NID1: variants seen among roughly 807,000 people sequenced by gnomAD.
NID1 encodes nidogen 1.
NID1 carries 76 observed loss-of-function variants against 130.6 expected under a neutral mutation model. That is an observed-to-expected ratio of 0.58 (90% confidence interval 0.48 to 0.70). The LOEUF (loss-of-function observed/expected upper bound fraction) is 0.70, where lower values mean the gene tolerates loss of function less well. Ranked by LOEUF, NID1 falls within the 30% of genes least tolerant of loss-of-function variation. The probability of loss-of-function intolerance (pLI) is 0.00; values close to 1 mark genes in which losing one functional copy is unlikely to be tolerated. For missense variants in NID1, 1,517 were observed against 1,664.8 expected (o/e 0.91, Z 1.54); for synonymous variants, 665 against 675.1 (o/e 0.98, Z 0.23).
chr1:236,025,649 C>CACCTT (rs1307622739), intron 8 of NID1, among the ~76,000 whole-genome samples: 1 of 152,218 alleles, frequency 6.6e-6, no homozygotes, highest in East Asian at 1.9e-4. Context: ...CTCTGTAAGG[C>CACCTT]ACCTCAACAG....
At chr1:236,041,840 C>T in intron 4 of NID1, 70 bp downstream of exon 4, 1 of 1,525,746 alleles carries the variant, frequency 6.6e-7, no homozygotes, top group South Asian at 1.3e-5. Context: ...CTGACATCTC[C>T]CCAGCAGTAC....
intron 7 of NID1, 136 bp from the exon 8 acceptor site, chr1:236,026,277 G>A (rs1658929047): frequency 9.5e-7 from 1 of 1,057,020 alleles, no homozygotes. Flanking sequence ...TGACAGACCA[G>A]ACAGAACAGC....
At chr1:236,037,624 C>T (rs1005174161) in intron 5 of NID1, among the ~76,000 whole-genome samples, 4 of 151,474 alleles carry the variant, frequency 2.6e-5, no homozygotes, top group Admixed American at 2.0e-4. Context: ...CACCACTGCA[C>T]TCTAGCCTGG....
In NID1 at chr1:236,041,892, C is replaced by T. The variant is rs1408576929; in HGVS notation, c.1135+18G>A. Reference sequence around the variant, plus strand: ...ACACATCCAAGATCGTTACCAACTGCAACTTAAATGGTCTTACCAACTCCT... The same window carrying T: ...ACACATCCAAGATCGTTACCAACTGTAACTTAAATGGTCTTACCAACTCCT... On this transcript the variant is annotated intron_variant, in intron 4 of 19. Transcript: ENST00000264187. 1 of 1,586,708 alleles carries T rather than the reference C, an allele frequency of 6.3e-7. No homozygotes were observed. The highest frequency in any genetic ancestry group is 1.7e-4 in the Middle Eastern group (1 of 5,908).
rs201166678 is a variant in NID1, at chr1:235,993,777, C to T, written c.2623G>A (p.Val875Ile). 9.3e-6 allele frequency: 15 copies of T among 1,614,026 alleles called. No individual in the cohort carries two copies. The African/African-American group carries it at 2.0e-4, about 22-fold the overall frequency. Reference protein sequence around the residue: ...PQRPIPPGLFVPECDAHGHYA... With the variant: ...PQRPIPPGLFIPECDAHGHYA... ...TGCCCGTGCGCATCGCACTCAGGAA[C>T]GAACAGCCCCGGAGGAATGGGTCGC... is the stretch of plus-strand genomic sequence containing the variant. Residue 875 changes from valine (V) to isoleucine (I), a missense_variant, in exon 13 of 20, where the codon GTT becomes ATT. Physicochemically the swap from Val to Ile is conservative, Grantham distance 29. Transcript: ENST00000264187.
chr1:236,040,832 GT>G (rs1173358374), intron 4 of NID1, among the ~76,000 whole-genome samples: 1 of 151,832 alleles, frequency 6.6e-6, no homozygotes, highest in African/African-American at 2.4e-5. Flanking sequence ...CCTGGCTAAT[GT>G]TTTGCATTTT....
chr1:235,981,043 G>C (rs968616318), intron 16 of NID1, among the ~76,000 whole-genome samples: 2 of 152,240 alleles, frequency 1.3e-5, no homozygotes, highest in Non-Finnish European at 1.5e-5. Context: ...GCAGATGTTG[G>C]CAGGGGCTGT....
chr1:236,003,033 G>A (rs1658124701), intron 12 of NID1, among the ~76,000 whole-genome samples: 1 of 151,952 alleles, frequency 6.6e-6, no homozygotes, highest in African/African-American at 2.4e-5. Context: ...CTGCATCTCT[G>A]CTTCCTGCTG....
intron 14 of NID1, among the ~76,000 whole-genome samples, chr1:235,988,419 C>A (rs1172608469): frequency 6.6e-6 from 1 of 152,194 alleles, no homozygotes; most frequent in Admixed American, 6.5e-5. Context: ...AACCCCTGTG[C>A]TCTGCTGGTG....
At chr1:236,052,220 T>A (rs1220673070) in intron 1 of NID1, among the ~76,000 whole-genome samples, 1 of 152,210 alleles carries the variant, frequency 6.6e-6, no homozygotes, top group Non-Finnish European at 1.5e-5. Context: ...TGGGTGCAAG[T>A]CTCATTTTGC....
rs546551468 is a variant in NID1 at position 236,029,810 on chromosome 1, C to T, written c.1538-60G>A. The stretch of plus-strand genomic sequence containing the variant: ...TGGGGAGCGCGCCCTTCTGCCCGCC[C>T]CAGGCTCACAGTGTGGAGTGGGGTT... On this transcript the variant is annotated intron_variant, in intron 6 of 19. Transcript: ENST00000264187. The T allele has an allele frequency of 4.6e-5, 71 of 1,556,902 alleles. No homozygotes were observed. In the African/African-American group the frequency reaches 8.9e-4, roughly 20 times the overall value.
At chr1:236,024,474 C>T (rs999622470) in intron 8 of NID1, among the ~76,000 whole-genome samples, 1 of 152,222 alleles carries the variant, frequency 6.6e-6, no homozygotes, top group African/African-American at 2.4e-5. Context: ...TGTGCTACCA[C>T]GGCAGAGCTG....
At chr1:236,032,258 G>T in intron 6 of NID1, 143 bp downstream of exon 6, 1 of 953,184 alleles carries the variant, frequency 1.0e-6, no homozygotes. Context: ...CAGAACTACA[G>T]GATGCCCTGT....
intron 9 of NID1, among the ~76,000 whole-genome samples, chr1:236,017,643 CAA>C (rs1658640651): frequency 6.6e-6 from 1 of 152,234 alleles, no homozygotes; most frequent in Non-Finnish European, 1.5e-5. Context: ...CTTGGCCTCC[CAA>C]AGTGCTGGGA....
chr1:235,979,001 G>T lies in NID1; in HGVS notation c.3616C>A (p.Pro1206Thr). The change falls in exon 19 of 20, where the codon CCG becomes ACG. Residue 1206 changes from proline (P) to threonine (T), a missense_variant. Physicochemically the swap from Pro to Thr is conservative, Grantham distance 38 (BLOSUM62 -1). This residue lies in a region of NID1 where 181 missense variants were observed against 211.3 expected (regional missense o/e 0.86). Coordinates refer to ENST00000264187, the MANE Select transcript of NID1 (RefSeq NM_002508.3). The surrounding 1 kb of genome is among the most constrained non-coding windows in gnomAD (Gnocchi z 4.6). Reference sequence around the variant, plus strand: ...AACAGCACAGGAGAGTTACCTTGCGGACACTGAGACAGGGCCGTGGTGATG... The same window carrying T: ...AACAGCACAGGAGAGTTACCTTGCGTACACTGAGACAGGGCCGTGGTGATG... ...YGITTALSQC[P>T]QGHNYCSVNN... 1 of 1,610,816 alleles carries T rather than the reference G, an allele frequency of 6.2e-7. No individual in the cohort carries two copies. Among genetic ancestry groups the T allele is most frequent in the South Asian group, 1.1e-5 (1 of 91,006 alleles).
chr1:236,015,557 G>C (rs1322057326), intron 10 of NID1, among the ~76,000 whole-genome samples: 2 of 146,368 alleles, frequency 1.4e-5, no homozygotes, highest in Non-Finnish European at 3.0e-5. Flanking sequence ...TGAGGCAGGA[G>C]AATCTCTTGA....
chr1:236,008,854 C>T (rs140044252), intron 12 of NID1, among the ~76,000 whole-genome samples: 1,820 of 152,034 alleles, frequency 0.012, 14 homozygotes, highest in Admixed American at 0.031. Flanking sequence ...TTAGTAGAGA[C>T]GGGGTTTCTC....
rs1268676424 is a variant in NID1, at chr1:236,064,901, C to G, written c.179G>C (p.Ser60Thr). 6.2e-7 allele frequency: 1 copy of G among 1,612,484 alleles called. No individual in the cohort carries two copies. Among genetic ancestry groups the G allele is most frequent in the Admixed American group, 1.7e-5 (1 of 59,954 alleles). The change falls in exon 1 of 20, where the codon AGT (serine) becomes ACT (threonine). Residue 60 changes from serine to threonine, a missense_variant. Ser to Thr is a moderately conservative substitution (Grantham distance 58). Transcript: ENST00000264187. ...TCTGTCGTAGAAGCGGAGCGCCCCACTCAGCTCCAGGGCAGGAGAGACGAA... is the reference window on the plus strand; with the variant it reads ...TCTGTCGTAGAAGCGGAGCGCCCCAGTCAGCTCCAGGGCAGGAGAGACGAA... ...DDFVSPALEL[S>T]GALRFYDRSD... is the part of the protein sequence containing the mutation.
intron 1 of NID1, among the ~76,000 whole-genome samples, chr1:236,052,588 T>C (rs1380911717): frequency 6.6e-6 from 1 of 152,220 alleles, no homozygotes; most frequent in Non-Finnish European, 1.5e-5. Flanking sequence ...CGTTGTTTTG[T>C]TATAACGTTG....
Sources: gnomAD v4.1 joint callset for allele counts (sites outside exome capture counted in the v4.1 genomes callset) on GRCh38, gnomAD v4.1.1 for gene constraint, gnomAD v4.1.1 regional missense constraint, Gnocchi (gnomAD v3.1) non-coding constraint, MANE v1.5 for transcripts, NCBI Gene and HGNC (gene_info 2026-07-23, HGNC 2026-07-21) for gene names.